ZC3H7A: variants seen among roughly 807,000 people sequenced by gnomAD.
ZC3H7A encodes zinc finger CCCH domain-containing protein 7A.
Under a neutral mutation model 125.5 loss-of-function variants are expected in ZC3H7A, and 44 were observed. That is an observed-to-expected ratio of 0.35 (90% CI 0.28 to 0.45). The LOEUF is 0.45. Ranked by LOEUF, ZC3H7A falls within the 20% of genes least tolerant of loss-of-function variation. The pLI is 1.00. For synonymous variants in ZC3H7A, 399 were observed against 391.2 expected (o/e 1.02, Z -0.23); for missense variants, 977 against 1,170.7 (o/e 0.83, Z 2.41).
intron 1 of ZC3H7A, among the ~76,000 whole-genome samples, chr16:11,790,973 T>G (rs1253365060): frequency 6.6e-6 from 1 of 151,292 alleles, no homozygotes; most frequent in Non-Finnish European, 1.5e-5. Context: ...ACTCAGAGGC[T>G]AAGGGAGGAA....
chr16:11,786,701 A>G (rs2053262317), intron 1 of ZC3H7A, among the ~76,000 whole-genome samples: 1 of 152,216 alleles, frequency 6.6e-6, no homozygotes, highest in South Asian at 2.1e-4. Flanking sequence ...ATGACAGAGT[A>G]TTTCATGTTC....
At chr16:11,781,651 CAT>C (rs3972315) in intron 2 of ZC3H7A, among the ~76,000 whole-genome samples, 187 bp from the exon 3 acceptor site, 22,397 of 144,830 alleles carry the variant, frequency 0.15, 2,127 homozygotes, top group East Asian at 0.47. Context: ...AATACATATA[CAT>C]ATATATATAT....
chr16:11,752,397 G>A (rs936825284), intron 22 of ZC3H7A, among the ~76,000 whole-genome samples: 4 of 152,150 alleles, frequency 2.6e-5, no homozygotes, highest in African/African-American at 9.7e-5. Flanking sequence ...TGGGCAAATT[G>A]GAATGAACAT....
intron 10 of ZC3H7A, among the ~76,000 whole-genome samples, chr16:11,770,065 G>C (rs2052952401): frequency 6.6e-6 from 1 of 151,916 alleles, no homozygotes; most frequent in African/African-American, 2.4e-5. Context: ...GGGATTACAG[G>C]CATGAGCCAC....
chr16:11,781,483 T>C lies in ZC3H7A; in HGVS notation c.69-19A>G, dbSNP rs2053172236. The C allele has an allele frequency of 1.9e-6, 3 of 1,601,156 alleles. No individual in the cohort carries two copies. Among genetic ancestry groups the C allele is most frequent in the Non-Finnish European group, 2.6e-6 (3 of 1,171,352 alleles). ...CGGTGACCTAAGAAGAAGAAACAAATTAACTGTAATTATCAAGCTCCTTAT... is the reference window on the plus strand; with the variant it reads ...CGGTGACCTAAGAAGAAGAAACAAACTAACTGTAATTATCAAGCTCCTTAT... On this transcript the variant is annotated intron_variant, in intron 2 of 22. Transcript: ENST00000355758.
chr16:11,793,522 G>A (rs565241620), intron 1 of ZC3H7A, among the ~76,000 whole-genome samples: 60 of 133,254 alleles, frequency 4.5e-4, no homozygotes, highest in Middle Eastern at 3.6e-3. Flanking sequence ...GTCAGAGCAA[G>A]ATCCTGTCTC....
Position 11,794,633 on chromosome 16 carries a change from A to AGGGT in ZC3H7A, c.-35+2487_-35+2490dup, listed in dbSNP as rs199697964. 7.0e-3 allele frequency among the ~76,000 whole-genome samples: 1,070 copies of AGGGT among 152,314 alleles called. 6 individuals are homozygous for AGGGT. The highest frequency in any genetic ancestry group is 0.011 in the Non-Finnish European group (739 of 68,030). ...ATACTGTCTCTAGAAAGCCCTTTCTAGGGTATCTGTGGCAACAGGATACAG... is the reference window on the plus strand; with the variant it reads ...ATACTGTCTCTAGAAAGCCCTTTCTAGGGTGGGTATCTGTGGCAACAGGATACAG... On this transcript the variant is annotated intron_variant, in intron 1 of 22. Transcript: ENST00000355758.
intron 17 of ZC3H7A, among the ~76,000 whole-genome samples, 170 bp downstream of exon 17, chr16:11,762,501 T>A (rs531326747): frequency 6.6e-6 from 1 of 152,330 alleles, no homozygotes; most frequent in African/African-American, 2.4e-5. Flanking sequence ...AATTTTTTTA[T>A]GATGATCAAC....
At position 11,786,917 on chromosome 16, in the gene ZC3H7A, G is replaced by A. The variant is rs188227603; in HGVS notation, c.-34-4529C>T. On this transcript the variant is annotated intron_variant, in intron 1 of 22. Transcript: ENST00000355758. ...TTAATAAATTTCAAAGTCAGCTGCA[G>A]ATACCTAAACATCTCAGCACACACA... Among the ~76,000 whole-genome samples the A allele has an allele frequency of 2.6e-5, 4 of 152,278 alleles. No homozygotes were observed. In the East Asian group the frequency reaches 7.7e-4, roughly 29 times the overall value.
rs1400518204 is a variant in ZC3H7A, at chr16:11,787,173, G to A, written c.-34-4785C>T. Among the ~76,000 whole-genome samples the A allele has an allele frequency of 5.9e-5, 9 of 152,174 alleles. No individual in the cohort carries two copies. The East Asian group carries it at 1.2e-3, about 20-fold the overall frequency. ...AAAATTAAGCCAGGTGTGGTGGTAC[G>A]TGCCTGTAGTCCTAGCTACTCAGGA... On this transcript the variant is annotated intron_variant, in intron 1 of 22. Coordinates refer to ENST00000355758, the MANE Select transcript of ZC3H7A (RefSeq NM_014153.4).
intron 4 of ZC3H7A, 88 bp downstream of exon 4, chr16:11,779,078 C>T: frequency 1.7e-6 from 2 of 1,156,502 alleles, no homozygotes; most frequent in Non-Finnish European, 2.4e-6. Flanking sequence ...TTCTTAAAAA[C>T]TTAAGAAATT....
At chr16:11,786,679 T>TA (rs1300676147) in intron 1 of ZC3H7A, among the ~76,000 whole-genome samples, 1 of 152,194 alleles carries the variant, frequency 6.6e-6, no homozygotes, top group African/African-American at 2.4e-5. Context: ...TCAGGCAATA[T>TA]TTGAATATAA....
chr16:11,751,140 G>C lies in ZC3H7A; in HGVS notation c.*177C>G. ...ATCTGATGCCAGTGGTTCCGTGAGAGCGTGGCCAGGCCTGTGAAACAGCCC... is the reference window on the plus strand; with the variant it reads ...ATCTGATGCCAGTGGTTCCGTGAGACCGTGGCCAGGCCTGTGAAACAGCCC... On this transcript the variant is annotated 3_prime_UTR_variant, in exon 23 of 23. Coordinates refer to ENST00000355758, the MANE Select transcript of ZC3H7A (RefSeq NM_014153.4). The C allele has an allele frequency of 1.7e-6, 1 of 580,362 alleles. No individual in the cohort carries two copies. The highest frequency in any genetic ancestry group is 2.4e-5 in the South Asian group (1 of 41,332). 36.0% of individuals were successfully genotyped at this position (580,362 alleles called of 1,614,324 possible).
rs66812605 is a variant in ZC3H7A at position 11,760,122 on chromosome 16, G to GAAAAAAAAAAAAAAAAAAAA, written c.2319+1264_2319+1283dup. On this transcript the variant is annotated intron_variant, in intron 19 of 22. Coordinates refer to ENST00000355758, the MANE Select transcript of ZC3H7A (RefSeq NM_014153.4). ...CCTGGGTGACAGAGCAAGAAAAAAT[G>GAAAAAAAAAAAAAAAAAAAA]AAAAAAAAAAAAAAAAAAAAAAAGA... 2.8e-4 allele frequency among the ~76,000 whole-genome samples: 23 copies of GAAAAAAAAAAAAAAAAAAAA among 82,514 alleles called. 1 individual carries two copies. Among genetic ancestry groups the GAAAAAAAAAAAAAAAAAAAA allele is most frequent in the Admixed American group, 5.0e-4 (3 of 6,028 alleles). The allele number at this position is 82,514 out of a possible 152,430, so 54.1% of individuals were successfully genotyped here. A position where few individuals can be genotyped will look rare whatever the true frequency, so the allele number is the denominator to read the frequency against.
At chr16:11,761,824 C>G in intron 18 of ZC3H7A, 86 bp downstream of exon 18, 3 of 1,556,838 alleles carry the variant, frequency 1.9e-6, no homozygotes, top group Non-Finnish European at 2.6e-6. Context: ...TCTTCAAAGC[C>G]TTAAACTTTT....
intron 1 of ZC3H7A, 58 bp downstream of exon 1, chr16:11,797,066 G>A (rs1042460734): frequency 6.9e-6 from 1 of 144,250 alleles, no homozygotes; most frequent in Non-Finnish European, 1.5e-5. Context: ...GCGCGGGGGG[G>A]GCGGGGGCGC....
intron 1 of ZC3H7A, among the ~76,000 whole-genome samples, chr16:11,786,326 T>A (rs745740607): frequency 6.6e-6 from 1 of 152,162 alleles, no homozygotes; most frequent in Admixed American, 6.5e-5. Flanking sequence ...AAGAAAAGGA[T>A]GTCTGAAACC....
At chr16:11,767,286 A>G in intron 13 of ZC3H7A, 131 bp downstream of exon 13, 1 of 750,072 alleles carries the variant, frequency 1.3e-6, no homozygotes, top group Non-Finnish European at 2.0e-6. Flanking sequence ...TACACCATCG[A>G]GGTTTGTGTA....
At chr16:11,792,060 A>G (rs2053364168) in intron 1 of ZC3H7A, among the ~76,000 whole-genome samples, 1 of 152,120 alleles carries the variant, frequency 6.6e-6, no homozygotes, top group Non-Finnish European at 1.5e-5. Flanking sequence ...AGCACATGCC[A>G]CTATACCTGA....
Sources: allele counts gnomAD v4.1 joint callset (sites outside exome capture counted in the v4.1 genomes callset), GRCh38; gene constraint gnomAD v4.1.1; transcripts MANE v1.5; gene names NCBI Gene and HGNC (gene_info 2026-07-23, HGNC 2026-07-21).